SCIN: variants seen among roughly 807,000 people sequenced by gnomAD.
The protein encoded by SCIN is adseverin.
A neutral mutation model predicts 91.8 loss-of-function variants in SCIN; 91 were observed. That is an observed-to-expected ratio of 0.99 (90% confidence interval 0.84 to 1.18). The LOEUF (loss-of-function observed/expected upper bound fraction) is 1.18. SCIN is among the 50% of genes most tolerant of loss of function. The probability of loss-of-function intolerance (pLI) is 0.00; values close to 1 mark genes in which losing one functional copy is unlikely to be tolerated. For missense variants in SCIN, 1,087 were observed against 863.9 expected (o/e 1.26, Z -3.24); for synonymous variants, 367 against 312.6 (o/e 1.17, Z -1.84).
chr7:12,575,670 A>G, intron 1 of SCIN, among the ~76,000 whole-genome samples: 1 of 152,182 alleles, frequency 6.6e-6, no homozygotes, highest in East Asian at 1.9e-4. Flanking sequence ...CATAATATAA[A>G]ATAACACGGC....
chr7:12,632,832 G>A (rs988608539), intron 9 of SCIN, among the ~76,000 whole-genome samples: 27 of 152,166 alleles, frequency 1.8e-4, no homozygotes, highest in African/African-American at 6.3e-4. Flanking sequence ...GCGGCTGGAG[G>A]GGATGGTCAT....
chr7:12,581,689 T>C (rs1305226681), intron 3 of SCIN, among the ~76,000 whole-genome samples: 1 of 152,218 alleles, frequency 6.6e-6, no homozygotes, highest in Non-Finnish European at 1.5e-5. Context: ...TTCACACTTT[T>C]CAATTAGCAC....
intron 1 of SCIN, chr7:12,571,373 C>T: frequency 2.9e-6 from 1 of 346,596 alleles, no homozygotes; most frequent in South Asian, 2.6e-5. Context: ...AAACTCAGTC[C>T]TGCTTTCCCT....
rs891307830 is a variant in SCIN at position 12,654,637 on chromosome 7, T to G, written c.*1922T>G. ...AAGTAGTACTTTTTCACAAAATTAG[T>G]AAAGGTCAAGGTGAGTGGCTTAGGG... On this transcript the variant is annotated 3_prime_UTR_variant, in exon 16 of 16. Transcript: ENST00000297029. 6.6e-6 allele frequency: 1 copy of G among 152,182 alleles called. No individual in the cohort carries two copies. Among genetic ancestry groups the G allele is most frequent in the Non-Finnish European group, 1.5e-5 (1 of 68,032 alleles). The allele number at this position is 152,182 out of a possible 1,614,324, so 9.4% of individuals were successfully genotyped here.
Position 12,570,897 on chromosome 7 carries a change from C to T in SCIN, c.111C>T (p.His37=), listed in dbSNP as rs926995732. The T allele has an allele frequency of 1.7e-5, 27 of 1,551,478 alleles. No individual in the cohort carries two copies. The East Asian group carries it at 5.9e-4, about 34-fold the overall frequency. The change falls in exon 1 of 16, where the codon CAC becomes CAT. Residue 37 remains histidine, a synonymous_variant. Coordinates refer to ENST00000297029, the MANE Select transcript of SCIN (RefSeq NM_001112706.3). Reference sequence around the variant, plus strand: ...TGGTGCCCGTGCCCCAGAGCGCTCACGGCGACTTCTACGTCGGGGATGCCT... The same window carrying T: ...TGGTGCCCGTGCCCCAGAGCGCTCATGGCGACTTCTACGTCGGGGATGCCT... ...LELVPVPQSA[H]GDFYVGDAYL... is the part of the protein sequence containing the mutation.
chr7:12,636,170 T>A, intron 10 of SCIN, 35 bp downstream of exon 10: 1 of 1,530,218 alleles, frequency 6.5e-7, no homozygotes, highest in South Asian at 1.2e-5. Context: ...CTCACACAAG[T>A]TAAAGTCTTG....
intron 3 of SCIN, among the ~76,000 whole-genome samples, chr7:12,592,449 A>C (rs1279798117): frequency 6.6e-6 from 1 of 151,948 alleles, no homozygotes; most frequent in African/African-American, 2.4e-5. Context: ...GAGATGGGGT[A>C]TTGAGGAACA....
chr7:12,606,629 T>C (rs1783084665), intron 4 of SCIN, among the ~76,000 whole-genome samples: 1 of 152,186 alleles, frequency 6.6e-6, no homozygotes, highest in Non-Finnish European at 1.5e-5. Flanking sequence ...AATATTATAC[T>C]AACATATAAT....
chr7:12,643,762 T>C (rs1319036169), intron 11 of SCIN, among the ~76,000 whole-genome samples: 1 of 152,224 alleles, frequency 6.6e-6, no homozygotes. Flanking sequence ...TTTACGCTCT[T>C]GTTTTCCTCC....
At chr7:12,592,236 G>A (rs1782738997) in intron 3 of SCIN, among the ~76,000 whole-genome samples, 1 of 152,046 alleles carries the variant, frequency 6.6e-6, no homozygotes, top group South Asian at 2.1e-4. Context: ...ACGAGAGAGA[G>A]AAGTGGATAG....
At chr7:12,605,442 G>A (rs1003885424) in intron 4 of SCIN, among the ~76,000 whole-genome samples, 1 of 152,150 alleles carries the variant, frequency 6.6e-6, no homozygotes, top group African/African-American at 2.4e-5. Flanking sequence ...CATGGGACCA[G>A]AAGTGTTTCA....
chr7:12,655,612 A>C lies in SCIN; in HGVS notation c.*2897A>C, dbSNP rs1249529193. 4 of 152,242 alleles carry C rather than the reference A, an allele frequency of 2.6e-5. No individual in the cohort carries two copies. The highest frequency in any genetic ancestry group is 9.6e-5 in the African/African-American group (4 of 41,472). 9.4% of individuals were successfully genotyped at this position (152,242 alleles called of 1,614,324 possible). A position where few individuals can be genotyped will look rare whatever the true frequency, so the allele number is the denominator to read the frequency against. On this transcript the variant is annotated 3_prime_UTR_variant, in exon 16 of 16. Transcript: ENST00000297029. ...AAATATTAAAATGTTAGTGGTCATCAAAATGTAGGGTTACAGGTTCACCCA... is the reference window on the plus strand; with the variant it reads ...AAATATTAAAATGTTAGTGGTCATCCAAATGTAGGGTTACAGGTTCACCCA...
In SCIN at chr7:12,628,971, G is replaced by A. The variant is rs1783587068; in HGVS notation, c.1198-130G>A. 3.9e-6 allele frequency: 3 copies of A among 773,220 alleles called. No individual in the cohort carries two copies. In the Admixed American group the frequency reaches 9.8e-5, roughly 25 times the overall value. 47.9% of individuals were successfully genotyped at this position (773,220 alleles called of 1,614,324 possible). On this transcript the variant is annotated intron_variant, in intron 8 of 15. Coordinates refer to ENST00000297029, the MANE Select transcript of SCIN (RefSeq NM_001112706.3). ...CGATAACAATTTCTTTGCTTGATTT[G>A]TAAACTAGTTAATAAATAATTTAAA...
chr7:12,577,930 A>G, intron 1 of SCIN, 134 bp from the exon 2 acceptor site: 1 of 744,290 alleles, frequency 1.3e-6, no homozygotes, highest in Non-Finnish European at 2.1e-6. Context: ...ATTTTAGCTA[A>G]AAGATCTTTG....
In SCIN at chr7:12,625,154, C is replaced by T. The variant is rs1425452042; in HGVS notation, c.892+12C>T. On this transcript the variant is annotated intron_variant, in intron 6 of 15. Transcript: ENST00000297029. The stretch of plus-strand genomic sequence containing the variant: ...TTTCGTATGGAAAGGTAAAAAATTC[C>T]ATTGACGATGCTGTATTTCAGATTT... The T allele has an allele frequency of 1.2e-6, 2 of 1,603,964 alleles. No individual in the cohort carries two copies. Among genetic ancestry groups the T allele is most frequent in the Non-Finnish European group, 1.7e-6 (2 of 1,175,166 alleles).
intron 3 of SCIN, among the ~76,000 whole-genome samples, chr7:12,593,752 G>T (rs10233553): frequency 0.87 from 131,729 of 152,022 alleles, 57,919 homozygotes; most frequent in East Asian, 1. Flanking sequence ...CTTGGCCAGG[G>T]TCTGTGGGTT....
At chr7:12,615,228 G>A (rs1405541521) in intron 4 of SCIN, among the ~76,000 whole-genome samples, 1 of 152,114 alleles carries the variant, frequency 6.6e-6, no homozygotes, top group Admixed American at 6.6e-5. Flanking sequence ...TTTGTACTCA[G>A]TGGACTGGTG....
intron 10 of SCIN, among the ~76,000 whole-genome samples, chr7:12,637,538 G>GTTT (rs992713163): frequency 5.9e-5 from 9 of 151,504 alleles, no homozygotes; most frequent in Admixed American, 5.9e-4. Context: ...AGAGAAGAGA[G>GTTT]GGAAATCATG....
intron 4 of SCIN, among the ~76,000 whole-genome samples, chr7:12,620,203 T>C (rs901109133): frequency 3.3e-5 from 5 of 152,088 alleles, no homozygotes; most frequent in African/African-American, 4.8e-5. Context: ...TGTGTGTGTG[T>C]GATGAAAATA....
Sources: allele counts gnomAD v4.1 joint callset (sites outside exome capture counted in the v4.1 genomes callset), GRCh38; gene constraint gnomAD v4.1.1; transcripts MANE v1.5; gene names NCBI Gene and HGNC (gene_info 2026-07-23, HGNC 2026-07-21).